ASIC2: variants seen among roughly 807,000 people sequenced by gnomAD.
The protein encoded by ASIC2 is acid sensing ion channel subunit 2.
A neutral mutation model predicts 57.3 loss-of-function variants in ASIC2; 25 were observed. The ratio of observed to expected loss-of-function variants is 0.44; its 90% confidence interval spans 0.32 to 0.61. ASIC2 has a LOEUF of 0.61. ASIC2 is among the 20% of genes least tolerant of loss of function. ASIC2 has a pLI of 0.06. For missense variants in ASIC2, 641 were observed against 738.1 expected (o/e 0.87, Z 1.52); for synonymous variants, 319 against 307.5 (o/e 1.04, Z -0.39).
intron 1 of ASIC2, among the ~76,000 whole-genome samples, chr17:33,692,799 C>A (rs1908413976): frequency 6.6e-6 from 1 of 152,160 alleles, no homozygotes; most frequent in African/African-American, 2.4e-5. Flanking sequence ...TATGATGGTA[C>A]AACAGCTATG....
At chr17:34,030,302 T>C (rs1907544795) in intron 1 of ASIC2, among the ~76,000 whole-genome samples, 1 of 152,256 alleles carries the variant, frequency 6.6e-6, no homozygotes, top group Non-Finnish European at 1.5e-5. Context: ...CATACTTTCA[T>C]TGATCCATAA....
intron 1 of ASIC2, among the ~76,000 whole-genome samples, chr17:33,279,095 A>G (rs961158596): frequency 2.0e-5 from 3 of 152,164 alleles, no homozygotes; most frequent in African/African-American, 7.2e-5. Context: ...ATTTTTAGAA[A>G]CAGTATTTTT....
chr17:33,313,532 T>G (rs544254273), intron 1 of ASIC2, among the ~76,000 whole-genome samples: 1 of 152,102 alleles, frequency 6.6e-6, no homozygotes, highest in Non-Finnish European at 1.5e-5. Flanking sequence ...CAATAAATGT[T>G]TGTCTTTTTC....
intron 1 of ASIC2, among the ~76,000 whole-genome samples, chr17:33,290,127 AATAT>A (rs1357236508): frequency 6.6e-6 from 1 of 152,244 alleles, no homozygotes; most frequent in East Asian, 1.9e-4. Context: ...AGGGCTACTA[AATAT>A]ACAAGCTTAA....
intron 1 of ASIC2, among the ~76,000 whole-genome samples, chr17:33,909,156 A>C (rs1915409674): frequency 2.0e-5 from 3 of 152,156 alleles, no homozygotes; most frequent in Admixed American, 6.5e-5. Flanking sequence ...AGGCATCTCC[A>C]TACCTCAGAA....
intron 1 of ASIC2, among the ~76,000 whole-genome samples, chr17:33,136,741 C>T (rs193277551): frequency 9.8e-5 from 15 of 152,330 alleles, no homozygotes; most frequent in Non-Finnish European, 1.9e-4. Flanking sequence ...ATGACCATTG[C>T]TCACCCACGG....
At chr17:33,186,220 C>T (rs2142063559) in intron 1 of ASIC2, among the ~76,000 whole-genome samples, 1 of 152,232 alleles carries the variant, frequency 6.6e-6, no homozygotes, top group Non-Finnish European at 1.5e-5. Context: ...AAGTGATTCT[C>T]CTGCCTCAGA....
intron 1 of ASIC2, among the ~76,000 whole-genome samples, chr17:33,115,826 G>A (rs1160032051): frequency 6.6e-6 from 1 of 152,200 alleles, no homozygotes; most frequent in Admixed American, 6.5e-5. Flanking sequence ...CAGGAACTGT[G>A]TCTGTTTTAT....
At chr17:33,340,560 T>C (rs1259523764) in intron 1 of ASIC2, among the ~76,000 whole-genome samples, 2 of 151,966 alleles carry the variant, frequency 1.3e-5, no homozygotes, top group African/African-American at 2.4e-5. Flanking sequence ...GATACGAAAA[T>C]ATCAGATATG....
chr17:33,077,088 G>A (rs1433100075), intron 3 of ASIC2, among the ~76,000 whole-genome samples: 8 of 151,980 alleles, frequency 5.3e-5, no homozygotes, highest in Admixed American at 3.3e-4. Context: ...CCCTCTCTAA[G>A]AGATGGGTGG....
At chr17:33,830,102 C>T (rs1049130839) in intron 1 of ASIC2, among the ~76,000 whole-genome samples, 1 of 152,036 alleles carries the variant, frequency 6.6e-6, no homozygotes, top group Non-Finnish European at 1.5e-5. Context: ...AATTATATTC[C>T]ACTTATTAGA....
chr17:33,608,983 T>A (rs1434594), intron 1 of ASIC2, among the ~76,000 whole-genome samples: 42,297 of 152,092 alleles, frequency 0.28, 6,219 homozygotes, highest in African/African-American at 0.36. Flanking sequence ...TTGTCTGCCC[T>A]GATAGTGAGA....
At chr17:33,855,771 GA>G (rs1398747777) in intron 1 of ASIC2, among the ~76,000 whole-genome samples, 2 of 152,096 alleles carry the variant, frequency 1.3e-5, no homozygotes, top group East Asian at 3.9e-4. Flanking sequence ...GGGAAGAGAT[GA>G]AAGATTGGGA....
At chr17:33,456,696 G>C (rs1567618573) in intron 1 of ASIC2, among the ~76,000 whole-genome samples, 1 of 152,212 alleles carries the variant, frequency 6.6e-6, no homozygotes, top group Non-Finnish European at 1.5e-5. Flanking sequence ...GAGAAGGTAA[G>C]AGCTGGAGTG....
chr17:33,579,494 A>G (rs116361661), intron 1 of ASIC2, among the ~76,000 whole-genome samples: 101 of 152,142 alleles, frequency 6.6e-4, no homozygotes, highest in African/African-American at 2.0e-3. Context: ...CACGTGCCTT[A>G]CTGTGCCCAG....
chr17:33,025,726 T>A (rs1458150964), intron 5 of ASIC2, among the ~76,000 whole-genome samples, 200 bp downstream of exon 5: 1 of 152,018 alleles, frequency 6.6e-6, no homozygotes, highest in African/African-American at 2.4e-5. Flanking sequence ...CTTGCACCAG[T>A]TCCCTTCCCA....
chr17:33,291,517 A>C lies in ASIC2; in HGVS notation c.599T>G (p.Phe200Cys). Residue 200 changes from phenylalanine (F) to cysteine (C), a missense_variant, in exon 1 of 10, where the codon TTC becomes TGC. By Grantham distance (205) the Phe-to-Cys change is radical (BLOSUM62 -2). Transcript: ENST00000225823. ...DFRLFLPPRH[F>C]EGISAAFMDR... is the part of the protein sequence containing the mutation. ...CATGAAGGCGGCGCTGATTCCCTCG[A>C]AGTGGCGCGGAGGCAGGAAGAGGCG... The C allele has an allele frequency of 6.2e-7, 1 of 1,612,680 alleles. No homozygotes were observed. The highest frequency in any genetic ancestry group is 8.5e-7 in the Non-Finnish European group (1 of 1,179,768).
chr17:33,513,967 C>T (rs570457189), intron 1 of ASIC2, among the ~76,000 whole-genome samples: 2 of 152,300 alleles, frequency 1.3e-5, no homozygotes, highest in Admixed American at 6.5e-5. Flanking sequence ...ACTGCCCTCA[C>T]ATAATCGGAT....
chr17:33,256,015 A>G (rs1909053718), intron 1 of ASIC2, among the ~76,000 whole-genome samples: 1 of 152,196 alleles, frequency 6.6e-6, no homozygotes, highest in African/African-American at 2.4e-5. Context: ...ACACTAGGAA[A>G]AAAAACGCAT....
Sources: allele counts gnomAD v4.1 joint callset (sites outside exome capture counted in the v4.1 genomes callset), GRCh38; gene constraint gnomAD v4.1.1; transcripts MANE v1.5; gene names NCBI Gene and HGNC (gene_info 2026-07-23, HGNC 2026-07-21).